Variants in PABPC4L observed in about 807,000 individuals in gnomAD.
The protein encoded by PABPC4L is poly(A) binding protein cytoplasmic 4 like.
For missense variants in PABPC4L, 452 were observed against 451.4 expected, an observed-to-expected ratio of 1.00 and a Z score of -0.01; for synonymous variants, 169 against 164.1, an observed-to-expected ratio of 1.03 and a Z score of -0.23.
chr4:133,963,692 C>A, the PABPC4L span, among the ~76,000 whole-genome samples: 1 of 152,042 alleles, frequency 6.6e-6, no homozygotes, highest in Admixed American at 6.6e-5. Context: ...AAGGCACCTG[C>A]AAAACCATGA....
the PABPC4L span, among the ~76,000 whole-genome samples, chr4:134,008,057 T>C: frequency 6.6e-6 from 1 of 151,760 alleles, no homozygotes; most frequent in African/African-American, 2.4e-5. Flanking sequence ...GTTATAGATT[T>C]CTAGGAGATC....
At chr4:134,173,986 C>T in the PABPC4L span, among the ~76,000 whole-genome samples, 1 of 152,078 alleles carries the variant, frequency 6.6e-6, no homozygotes, top group Non-Finnish European at 1.5e-5. Flanking sequence ...ACACATTGTA[C>T]AGAATATTTA....
chr4:134,032,879 T>C, the PABPC4L span, among the ~76,000 whole-genome samples: 129 of 152,008 alleles, frequency 8.5e-4, no homozygotes, highest in African/African-American at 2.7e-3. Context: ...GCTGTGACCA[T>C]TACTGTCGTG....
chr4:134,168,672 A>G, the PABPC4L span, among the ~76,000 whole-genome samples: 7 of 152,112 alleles, frequency 4.6e-5, no homozygotes, highest in Non-Finnish European at 7.4e-5. Flanking sequence ...AACTTAGAAG[A>G]AATGTGTAAA....
chr4:134,191,018 G>A, the PABPC4L span, among the ~76,000 whole-genome samples: 1 of 152,046 alleles, frequency 6.6e-6, no homozygotes, highest in South Asian at 2.1e-4. Context: ...AATCTGTAAG[G>A]ATTTTCTAGT....
At chr4:134,131,714 C>CAA in the PABPC4L span, among the ~76,000 whole-genome samples, 676 of 10,678 alleles carry the variant, frequency 0.063, 217 homozygotes, top group East Asian at 0.34. Flanking sequence ...CCTGTGAAAC[C>CAA]AAAAAAAAAA....
the PABPC4L span, among the ~76,000 whole-genome samples, chr4:133,992,162 T>A: frequency 6.6e-6 from 1 of 152,162 alleles, no homozygotes; most frequent in African/African-American, 2.4e-5. Flanking sequence ...GAAATTGTGA[T>A]CAAAGCCACG....
At chr4:134,040,115 C>A in the PABPC4L span, among the ~76,000 whole-genome samples, 1 of 151,240 alleles carries the variant, frequency 6.6e-6, no homozygotes, top group Non-Finnish European at 1.5e-5. Flanking sequence ...TAGGAAGAAT[C>A]CATATCATGA....
the PABPC4L span, among the ~76,000 whole-genome samples, chr4:134,166,147 G>A: frequency 1.3e-5 from 2 of 152,100 alleles, no homozygotes; most frequent in African/African-American, 4.8e-5. Context: ...TTGGAGTGAG[G>A]TGAGGATTAA....
At chr4:134,123,103 T>C in the PABPC4L span, among the ~76,000 whole-genome samples, 1 of 152,006 alleles carries the variant, frequency 6.6e-6, no homozygotes, top group Non-Finnish European at 1.5e-5. Flanking sequence ...GTCATTTGTA[T>C]CAATATAGAC....
the PABPC4L span, among the ~76,000 whole-genome samples, chr4:133,990,271 T>A: frequency 2.6e-5 from 4 of 152,230 alleles, no homozygotes; most frequent in African/African-American, 9.6e-5. Context: ...CTGTATCACA[T>A]TTTTGTAATT....
the PABPC4L span, among the ~76,000 whole-genome samples, chr4:134,143,499 TACTC>T: frequency 1.3e-5 from 2 of 150,490 alleles, no homozygotes; most frequent in Non-Finnish European, 3.0e-5. Context: ...TATTAATAAA[TACTC>T]ATTTGGAATT....
the PABPC4L span, among the ~76,000 whole-genome samples, chr4:134,145,311 A>G: frequency 6.6e-5 from 10 of 151,852 alleles, no homozygotes; most frequent in Admixed American, 6.6e-4. Context: ...TACAGACTTT[A>G]CTCCTATTTG....
chr4:134,169,795 A>C, the PABPC4L span, among the ~76,000 whole-genome samples: 1 of 152,166 alleles, frequency 6.6e-6, no homozygotes, highest in African/African-American at 2.4e-5. Flanking sequence ...AGGACAAAAA[A>C]AGTAAAGACA....
the PABPC4L span, among the ~76,000 whole-genome samples, chr4:134,065,838 C>T: frequency 6.6e-6 from 1 of 152,064 alleles, no homozygotes; most frequent in Non-Finnish European, 1.5e-5. Flanking sequence ...TTGCACCTGG[C>T]AAGCCAGTTA....
chr4:134,003,188 T>G, the PABPC4L span, among the ~76,000 whole-genome samples: 2 of 151,948 alleles, frequency 1.3e-5, no homozygotes, highest in African/African-American at 4.8e-5. Context: ...ACAGTGTCCT[T>G]AACAAATTAA....
the PABPC4L span, among the ~76,000 whole-genome samples, chr4:134,018,500 C>T: frequency 6.6e-6 from 1 of 152,158 alleles, no homozygotes; most frequent in African/African-American, 2.4e-5. Flanking sequence ...TTTCAATGCT[C>T]ACCCTCTTAC....
chr4:134,112,705 A>G, the PABPC4L span, among the ~76,000 whole-genome samples: 1 of 151,890 alleles, frequency 6.6e-6, no homozygotes, highest in Non-Finnish European at 1.5e-5. Context: ...ATGTATATGT[A>G]TGTGCATGTA....
At chr4:133,988,248 T>C in the PABPC4L span, among the ~76,000 whole-genome samples, 6 of 152,124 alleles carry the variant, frequency 3.9e-5, no homozygotes, top group Non-Finnish European at 8.8e-5. Flanking sequence ...TCCAACAGTC[T>C]CTCAAAGTCT....
Sources: gnomAD v4.1 joint callset for allele counts (sites outside exome capture counted in the v4.1 genomes callset) on GRCh38, gnomAD v4.1.1 for gene constraint, MANE v1.5 for transcripts, NCBI Gene and HGNC (gene_info 2026-07-23, HGNC 2026-07-21) for gene names.